The following BFAR variants were observed in gnomAD, a reference collection of about 807,000 sequenced individuals.
BFAR encodes the protein bifunctional apoptosis regulator.
In BFAR, 52 loss-of-function variants were observed where a neutral mutation model predicts 54.4. That is an observed-to-expected ratio of 0.96 (90% CI 0.77 to 1.21). BFAR has a LOEUF of 1.21. Among genes scored for constraint, BFAR ranks in the 50% most tolerant of loss-of-function variants. The probability of loss-of-function intolerance (pLI) is 0.00; values close to 1 mark genes in which losing one functional copy is unlikely to be tolerated. For synonymous variants in BFAR, 215 were observed against 204.3 expected (o/e 1.05, Z -0.45); for missense variants, 571 against 534.0 (o/e 1.07, Z -0.68).
chr16:14,665,267 A>C, intron 7 of BFAR, 196 bp downstream of exon 7: 1 of 579,444 alleles, frequency 1.7e-6, no homozygotes, highest in Middle Eastern at 4.6e-4. Context: ...TGTGGTGCTC[A>C]TTGTTAAAAG....
At chr16:14,643,141 C>A (rs915686495) in intron 1 of BFAR, among the ~76,000 whole-genome samples, 2 of 152,120 alleles carry the variant, frequency 1.3e-5, no homozygotes, top group African/African-American at 2.4e-5. Flanking sequence ...GGCGAAAACC[C>A]GTCTCTACTA....
chr16:14,652,254 C>T (rs1224071439), intron 4 of BFAR, among the ~76,000 whole-genome samples: 1 of 151,598 alleles, frequency 6.6e-6, no homozygotes, highest in African/African-American at 2.4e-5. Context: ...GGACGAAAGC[C>T]AATATGTAAC....
In BFAR at chr16:14,649,891, G is replaced by A; in HGVS notation, c.556G>A (p.Glu186Lys). The A allele has an allele frequency of 6.2e-7, 1 of 1,613,726 alleles. No individual in the cohort carries two copies. Reference sequence around the variant, plus strand: ...GGCTGTGGCCAAATGGACGGCGGAAGAAGTTGTCCTCTGGCTGGAGCAGCT... The same window carrying A: ...GGCTGTGGCCAAATGGACGGCGGAAAAAGTTGTCCTCTGGCTGGAGCAGCT... Reference protein sequence around the residue: ...HKAVAKWTAEEVVLWLEQLGP... With the variant: ...HKAVAKWTAEKVVLWLEQLGP... The change falls in exon 4 of 8, where the codon GAA becomes AAA. Residue 186 changes from glutamate (E) to lysine (K), a missense_variant. Coordinates refer to ENST00000261658, the MANE Select transcript of BFAR (RefSeq NM_016561.3).
At chr16:14,636,321 A>G (rs1959440391) in intron 1 of BFAR, among the ~76,000 whole-genome samples, 1 of 152,220 alleles carries the variant, frequency 6.6e-6, no homozygotes, top group South Asian at 2.1e-4. Context: ...TTTATTGATC[A>G]TTCTTGGGTG....
chr16:14,646,707 A>G (rs1959806970), intron 2 of BFAR, among the ~76,000 whole-genome samples: 1 of 151,346 alleles, frequency 6.6e-6, no homozygotes, highest in Non-Finnish European at 1.5e-5. Context: ...CATGTTGGTC[A>G]GGCTGGTCTC....
At chr16:14,647,159 A>C (rs897182467) in intron 2 of BFAR, among the ~76,000 whole-genome samples, 1 of 151,844 alleles carries the variant, frequency 6.6e-6, no homozygotes, top group Non-Finnish European at 1.5e-5. Flanking sequence ...ATCTCAGCTC[A>C]CTGCAACCTC....
intron 2 of BFAR, among the ~76,000 whole-genome samples, chr16:14,647,186 G>A (rs1258099928): frequency 6.6e-6 from 1 of 152,038 alleles, no homozygotes; most frequent in Non-Finnish European, 1.5e-5. Flanking sequence ...CCAGGTTCAA[G>A]CGATTCTCCT....
At chr16:14,662,984 C>G (rs566925870) in intron 6 of BFAR, among the ~76,000 whole-genome samples, 2 of 152,046 alleles carry the variant, frequency 1.3e-5, no homozygotes, top group Admixed American at 6.6e-5. Context: ...GGGCTGCATG[C>G]GCCGGTAATC....
chr16:14,635,512 T>C (rs771851612), intron 1 of BFAR, among the ~76,000 whole-genome samples: 1 of 152,266 alleles, frequency 6.6e-6, no homozygotes, highest in East Asian at 1.9e-4. Flanking sequence ...CTTGCATATA[T>C]GCCACGAGAA....
Position 14,649,651 on chromosome 16 carries a change from C to CGTTGCCCTGCTTTT in BFAR, c.469-140_469-127dup, listed in dbSNP as rs1272077113. Among the ~76,000 whole-genome samples the CGTTGCCCTGCTTTT allele has an allele frequency of 4.6e-5, 7 of 152,238 alleles. No homozygotes were observed. In the South Asian group the frequency reaches 6.2e-4, roughly 14 times the overall value. ...GGTCCCCAGTTCTCTGTGGCCGTGG[C>CGTTGCCCTGCTTTT]GTTGCCCTGCTTTTGTTGCCCTGCT... On this transcript the variant is annotated intron_variant, in intron 3 of 7. Transcript: ENST00000261658.
intron 2 of BFAR, among the ~76,000 whole-genome samples, chr16:14,646,261 G>A (rs1959791849): frequency 6.6e-6 from 1 of 151,988 alleles, no homozygotes. Flanking sequence ...CCATGTTGAT[G>A]AGGCTAGTCT....
In BFAR at chr16:14,667,860, C is replaced by G. The variant is rs569504353; in HGVS notation, c.*33C>G. 6.3e-7 allele frequency: 1 copy of G among 1,592,472 alleles called. No individual in the cohort carries two copies. Among genetic ancestry groups the G allele is most frequent in the South Asian group, 1.1e-5 (1 of 90,390 alleles). ...TGCCCAGGCTGAGACTCTTCAAGTC[C>G]CGCTGACGTCTGAGCTTTGATGCTT... On this transcript the variant is annotated 3_prime_UTR_variant, in exon 8 of 8. Transcript: ENST00000261658.
intron 1 of BFAR, among the ~76,000 whole-genome samples, chr16:14,642,495 CAAG>C (rs1187574412): frequency 1.3e-5 from 2 of 152,208 alleles, no homozygotes; most frequent in East Asian, 1.9e-4. Flanking sequence ...CAGATGAAAA[CAAG>C]AAGAGAATGG....
chr16:14,637,846 C>T (rs1959500984), intron 1 of BFAR, among the ~76,000 whole-genome samples: 1 of 151,340 alleles, frequency 6.6e-6, no homozygotes, highest in Non-Finnish European at 1.5e-5. Context: ...AAAAAAAAGT[C>T]ATTTTTTTTT....
chr16:14,657,442 C>T (rs901665600), intron 5 of BFAR, among the ~76,000 whole-genome samples: 1 of 151,910 alleles, frequency 6.6e-6, no homozygotes, highest in Non-Finnish European at 1.5e-5. Flanking sequence ...TAGAGACGAG[C>T]TTTCACCATG....
intron 1 of BFAR, among the ~76,000 whole-genome samples, chr16:14,638,790 C>T (rs1203618597): frequency 3.3e-5 from 5 of 151,838 alleles, no homozygotes; most frequent in Admixed American, 3.3e-4. Context: ...ATTAAAAATA[C>T]AAAAATTAGC....
In BFAR at chr16:14,644,601, T is replaced by A. The variant is rs762785515; in HGVS notation, c.255T>A (p.Ile85=). ...GGGAAGGTTTCCCCAAAGTCAGTAT[T>A]CTCCTCAGGTAATGTTCAGCCTATA... ...EKWEGFPKVS[I]LLRDAIEKLF... Residue 85 remains isoleucine (I), a synonymous_variant, in exon 2 of 8, where the codon ATT becomes ATA. Coordinates refer to ENST00000261658, the MANE Select transcript of BFAR (RefSeq NM_016561.3). 7 of 1,612,686 alleles carry A rather than the reference T, an allele frequency of 4.3e-6. No individual in the cohort carries two copies. In the Admixed American group the frequency reaches 1.0e-4, roughly 23 times the overall value.
Position 14,648,590 on chromosome 16 carries a change from G to T in BFAR, c.466G>T (p.Ala156Ser), listed in dbSNP as rs771802651. 6 of 1,612,272 alleles carry T rather than the reference G, an allele frequency of 3.7e-6. No homozygotes were observed. The highest frequency in any genetic ancestry group is 5.1e-6 in the Non-Finnish European group (6 of 1,178,482). The change falls in exon 3 of 8, where the codon GCA (alanine) becomes TCA (serine). Residue 156 changes from alanine to serine, a missense_variant and splice_region_variant. Ala to Ser is a moderately conservative substitution (Grantham distance 99). Transcript: ENST00000261658. ...SGVLTALTGV[A>S]VVLLVYHWSS... Reference sequence around the variant, plus strand: ...TGTGCTCACAGCTTTAACTGGAGTGGCAGTAAGTTGATCACTGTGTTCCTC... The same window carrying T: ...TGTGCTCACAGCTTTAACTGGAGTGTCAGTAAGTTGATCACTGTGTTCCTC...
intron 7 of BFAR, chr16:14,665,327 A>C (rs1960413016): frequency 1.8e-4 from 48 of 267,432 alleles, no homozygotes; most frequent in East Asian, 8.7e-4. Flanking sequence ...ATTTAATTTC[A>C]GGGGGAGGGG....
Sources: gnomAD v4.1 joint callset for allele counts (sites outside exome capture counted in the v4.1 genomes callset) on GRCh38, gnomAD v4.1.1 for gene constraint, MANE v1.5 for transcripts, NCBI Gene and HGNC (gene_info 2026-07-23, HGNC 2026-07-21) for gene names.